TMTC3: variants seen among roughly 807,000 people sequenced by gnomAD.
TMTC3 encodes the protein protein O-mannosyl-transferase TMTC3.
In TMTC3, 52 loss-of-function variants were observed where a neutral mutation model predicts 92.2. That is an observed-to-expected ratio of 0.56 (90% CI 0.45 to 0.71). TMTC3 has a LOEUF of 0.71. Ranked by LOEUF, TMTC3 falls within the 30% of genes least tolerant of loss-of-function variation. The pLI, the probability that TMTC3 is intolerant of heterozygous loss-of-function variation, is 0.00. For synonymous variants in TMTC3, 339 were observed against 363.3 expected (o/e 0.93, Z 0.76); for missense variants, 896 against 1,057.1 (o/e 0.85, Z 2.11).
chr12:88,158,417 G>T (rs917035566), intron 4 of TMTC3, among the ~76,000 whole-genome samples: 1 of 151,268 alleles, frequency 6.6e-6, no homozygotes, highest in East Asian at 1.9e-4. Context: ...TGAAGTTCTT[G>T]TTGAATTTAG....
rs1272994066 is a variant in TMTC3, at chr12:88,145,998, CTG to C, written c.-28-2289_-28-2288del. Among the ~76,000 whole-genome samples the C allele has an allele frequency of 2.6e-5, 4 of 152,222 alleles. No homozygotes were observed. In the East Asian group the frequency reaches 7.7e-4, roughly 29 times the overall value. ...AAATCAGTCATCCCATCCACTTAAA[CTG>C]CATCTGTAAGTCTGCTTCTGTGCCT... On this transcript the variant is annotated intron_variant, in intron 1 of 13. Transcript: ENST00000266712.
At chr12:88,159,721 T>G (rs2041054023) in intron 4 of TMTC3, among the ~76,000 whole-genome samples, 1 of 152,106 alleles carries the variant, frequency 6.6e-6, no homozygotes, top group South Asian at 2.1e-4. Context: ...TTTTAAGTTT[T>G]TAATAATTTA....
intron 2 of TMTC3, 30 bp downstream of exon 2, chr12:88,148,534 A>G (rs1352049042): frequency 5.5e-6 from 8 of 1,450,988 alleles, no homozygotes; most frequent in Non-Finnish European, 7.5e-6. Context: ...TTACTTGTAC[A>G]TGTCTCAGAT....
intron 2 of TMTC3, among the ~76,000 whole-genome samples, chr12:88,150,208 G>A (rs2040925121): frequency 6.6e-6 from 1 of 152,178 alleles, no homozygotes; most frequent in South Asian, 2.1e-4. Flanking sequence ...GGAAGCAGGA[G>A]CAGGCACTTC....
At chr12:88,156,091 CAG>C (rs1045974825) in intron 4 of TMTC3, among the ~76,000 whole-genome samples, 7 of 152,102 alleles carry the variant, frequency 4.6e-5, no homozygotes, top group African/African-American at 1.7e-4. Flanking sequence ...GCCTGGGAGA[CAG>C]AATCCATCTC....
intron 13 of TMTC3, among the ~76,000 whole-genome samples, chr12:88,194,493 T>C (rs1326357577): frequency 6.6e-6 from 1 of 152,194 alleles, no homozygotes; most frequent in Non-Finnish European, 1.5e-5. Flanking sequence ...AGAATCAAGA[T>C]TGAATACATG....
chr12:88,191,854 C>T (rs964356391), intron 12 of TMTC3, among the ~76,000 whole-genome samples: 1 of 151,736 alleles, frequency 6.6e-6, no homozygotes, highest in African/African-American at 2.4e-5. Context: ...GGACTACAGG[C>T]GCGTGCCACC....
chr12:88,152,822 A>G (rs189642115), intron 2 of TMTC3, among the ~76,000 whole-genome samples: 126 of 152,336 alleles, frequency 8.3e-4, no homozygotes, highest in Middle Eastern at 3.4e-3. Flanking sequence ...ACAGCTAGAC[A>G]GTACCTTTTT....
At chr12:88,172,897 G>C in intron 8 of TMTC3, 152 bp downstream of exon 8, 13 of 1,506,426 alleles carry the variant, frequency 8.6e-6, no homozygotes, top group Admixed American at 2.0e-5. Context: ...TGTAAGTCAA[G>C]TTAGGAAAGC....
chr12:88,174,296 G>A (rs1318569061), intron 8 of TMTC3, among the ~76,000 whole-genome samples: 1 of 151,992 alleles, frequency 6.6e-6, no homozygotes, highest in Non-Finnish European at 1.5e-5. Context: ...TGGCACAAAG[G>A]ACTGTAAGTG....
At position 88,196,832 on chromosome 12, in the gene TMTC3, C is replaced by A. The variant is rs2041518955; in HGVS notation, c.*1183C>A. 6.6e-6 allele frequency: 1 copy of A among 151,498 alleles called. No individual in the cohort carries two copies. The highest frequency in any genetic ancestry group is 2.4e-5 in the African/African-American group (1 of 41,302). The allele number at this position is 151,498 out of a possible 1,614,324, so 9.4% of individuals were successfully genotyped here. A position where few individuals can be genotyped will look rare whatever the true frequency, so the allele number is the denominator to read the frequency against. Reference sequence around the variant, plus strand: ...TTAACCAGAATTGTATCATTTTTGGCCTAATGTCTGGATATAAAAGATAAT... The same window carrying A: ...TTAACCAGAATTGTATCATTTTTGGACTAATGTCTGGATATAAAAGATAAT... On this transcript the variant is annotated 3_prime_UTR_variant, in exon 14 of 14. Transcript: ENST00000266712.
At position 88,165,614 on chromosome 12, in the gene TMTC3, A is replaced by G. The variant is rs74679127; in HGVS notation, c.798-716A>G. Among the ~76,000 whole-genome samples the G allele has an allele frequency of 3.9e-3, 598 of 152,254 alleles. 5 individuals carry two copies. The highest frequency in any genetic ancestry group is 0.014 in the African/African-American group (571 of 41,570). ...TTAAGTACTATATATTATAACCAATATAATTTAGAACACAGACTAAACTAA... is the reference window on the plus strand; with the variant it reads ...TTAAGTACTATATATTATAACCAATGTAATTTAGAACACAGACTAAACTAA... On this transcript the variant is annotated intron_variant, in intron 6 of 13. Coordinates refer to ENST00000266712, the MANE Select transcript of TMTC3 (RefSeq NM_181783.4).
chr12:88,147,817 A>G (rs1020119039), intron 1 of TMTC3, among the ~76,000 whole-genome samples: 2 of 151,714 alleles, frequency 1.3e-5, no homozygotes, highest in African/African-American at 2.4e-5. Context: ...AACCTTTTTT[A>G]TTTCCAGAAG....
chr12:88,184,179 G>GC (rs1364374373), intron 10 of TMTC3, among the ~76,000 whole-genome samples: 2 of 152,012 alleles, frequency 1.3e-5, no homozygotes, highest in Non-Finnish European at 2.9e-5. Context: ...AGAGAGTGCA[G>GC]CCCCCCTAAG....
intron 7 of TMTC3, among the ~76,000 whole-genome samples, chr12:88,170,372 A>G (rs938827346): frequency 1.6e-4 from 25 of 152,170 alleles, no homozygotes; most frequent in Non-Finnish European, 2.9e-5. Flanking sequence ...ATACATATTC[A>G]GGAACTTTTC....
chr12:88,194,903 G>C lies in TMTC3; in HGVS notation c.1999G>C (p.Asp667His). The change falls in exon 14 of 14, where the codon GAT becomes CAT. Residue 667 changes from aspartate to histidine, a missense_variant. Physicochemically the swap from Asp to His is moderately conservative, Grantham distance 81 (BLOSUM62 -1). Transcript: ENST00000266712. The stretch of plus-strand genomic sequence containing the variant: ...AAGTTATATAAATGAAGAGCCACTA[G>C]ATGCTAATGGGTATTTCAATTTGGG... ...LLSYINEEPLDANGYFNLGML... is the reference protein window; with the variant it reads ...LLSYINEEPLHANGYFNLGML... 1 of 1,613,498 alleles carries C rather than the reference G, an allele frequency of 6.2e-7. No homozygotes were observed. The highest frequency in any genetic ancestry group is 1.1e-5 in the South Asian group (1 of 90,998).
At chr12:88,156,604 A>C (rs552571692) in intron 4 of TMTC3, among the ~76,000 whole-genome samples, 4 of 152,254 alleles carry the variant, frequency 2.6e-5, no homozygotes, top group African/African-American at 9.6e-5. Flanking sequence ...TTACCTCTGG[A>C]ACACCCACTA....
rs75764633 is a variant in TMTC3 at position 88,174,376 on chromosome 12, A to G, written c.1200-231A>G. Among the ~76,000 whole-genome samples, 511 of 152,226 alleles carry G rather than the reference A, an allele frequency of 3.4e-3. 4 individuals are homozygous for G. The highest frequency in any genetic ancestry group is 0.01 in the Middle Eastern group (3 of 294). On this transcript the variant is annotated intron_variant, in intron 8 of 13. Transcript: ENST00000266712. ...TTATTTTAAACAGAGCTTTTGAAATATAGCCAATATTAGCATATATAATGT... is the reference window on the plus strand; with the variant it reads ...TTATTTTAAACAGAGCTTTTGAAATGTAGCCAATATTAGCATATATAATGT...
At chr12:88,160,014 A>T (rs2041057273) in intron 4 of TMTC3, 100 bp from the exon 5 acceptor site, 1 of 689,160 alleles carries the variant, frequency 1.5e-6, no homozygotes, top group Non-Finnish European at 2.4e-6. Context: ...AATGAGAAAT[A>T]GCACTCATAT....
Sources: allele counts gnomAD v4.1 joint callset (sites outside exome capture counted in the v4.1 genomes callset), GRCh38; gene constraint gnomAD v4.1.1; transcripts MANE v1.5; gene names NCBI Gene and HGNC (gene_info 2026-07-23, HGNC 2026-07-21).